Variants in AXDND1 observed in about 807,000 individuals in gnomAD.
AXDND1 encodes axonemal dynein light chain domain-containing protein 1.
In AXDND1, 110 loss-of-function variants were observed where a neutral mutation model predicts 137.5. The ratio of observed to expected loss-of-function variants is 0.80; its 90% CI spans 0.69 to 0.94. The LOEUF (loss-of-function observed/expected upper bound fraction) is 0.94, where lower values mean the gene tolerates loss of function less well. Ranked by LOEUF, AXDND1 falls within the 40% of genes least tolerant of loss-of-function variation. The pLI, the probability that AXDND1 is intolerant of heterozygous loss-of-function variation, is 0.00. For missense variants in AXDND1, 1,191 were observed against 1,169.8 expected, an observed-to-expected ratio of 1.02 and a Z score of -0.26; for synonymous variants, 414 against 399.7, an observed-to-expected ratio of 1.04 and a Z score of -0.43.
Position 179,468,252 on chromosome 1 carries a change from A to G in AXDND1, c.1799-191A>G, listed in dbSNP as rs1466075176. On this transcript the variant is annotated intron_variant, in intron 16 of 25. Coordinates refer to ENST00000367618, the MANE Select transcript of AXDND1 (RefSeq NM_144696.6). Reference sequence around the variant, plus strand: ...TAATTTGTTAGTCATTAAAGCACCAATTACACAGTGCTTATTCATTAAACA... The same window carrying G: ...TAATTTGTTAGTCATTAAAGCACCAGTTACACAGTGCTTATTCATTAAACA... 3.3e-5 allele frequency among the ~76,000 whole-genome samples: 5 copies of G among 152,192 alleles called. No homozygotes were observed. The East Asian group carries it at 9.6e-4, about 29-fold the overall frequency.
At chr1:179,491,488 GTTTGA>G (rs777627725) in intron 18 of AXDND1, 45 bp from the exon 19 acceptor site, 4 of 1,269,340 alleles carry the variant, frequency 3.2e-6, no homozygotes, top group Non-Finnish European at 4.5e-6. Flanking sequence ...GATTTTTACT[GTTTGA>G]TTTATTTAAA....
At chr1:179,371,289 G>A (rs1032363743) in intron 4 of AXDND1, among the ~76,000 whole-genome samples, 4 of 152,148 alleles carry the variant, frequency 2.6e-5, no homozygotes, top group South Asian at 4.2e-4. Flanking sequence ...TTAGCCAGGC[G>A]TGGTGGCGCA....
intron 11 of AXDND1, among the ~76,000 whole-genome samples, chr1:179,407,913 C>A (rs928869390): frequency 3.9e-5 from 6 of 152,136 alleles, no homozygotes; most frequent in African/African-American, 9.7e-5. Flanking sequence ...TATGGTGTCC[C>A]ATATATCCAC....
At chr1:179,444,483 T>C (rs1198967211) in intron 15 of AXDND1, among the ~76,000 whole-genome samples, 2 of 152,128 alleles carry the variant, frequency 1.3e-5, no homozygotes, top group African/African-American at 2.4e-5. Context: ...TATATATAAA[T>C]TGTACCTTAT....
At chr1:179,484,830 G>A (rs34890906) in intron 18 of AXDND1, among the ~76,000 whole-genome samples, 69,397 of 152,070 alleles carry the variant, frequency 0.46, 16,717 homozygotes, top group East Asian at 0.76. Flanking sequence ...CAATGCAAAG[G>A]TATGCAAGGA....
chr1:179,486,254 T>C (rs1020718616), intron 18 of AXDND1, among the ~76,000 whole-genome samples: 1 of 148,306 alleles, frequency 6.7e-6, no homozygotes, highest in Non-Finnish European at 1.5e-5. Context: ...ACTGGTTCTC[T>C]GAAATAATTC....
At position 179,442,235 on chromosome 1, in the gene AXDND1, T is replaced by A. The variant is rs61746880; in HGVS notation, c.1564-2735T>A. Among the ~76,000 whole-genome samples, 503 of 152,322 alleles carry A rather than the reference T, an allele frequency of 3.3e-3. 2 individuals are homozygous for A. The highest frequency in any genetic ancestry group is 0.011 in the African/African-American group (472 of 41,576). On this transcript the variant is annotated intron_variant, in intron 15 of 25. Coordinates refer to ENST00000367618, the MANE Select transcript of AXDND1 (RefSeq NM_144696.6). ...GGAAGAGGCGGTATAGGCCACTTTT[T>A]ATCCTCCCTCTCCTGTTTTTATTTT...
intron 22 of AXDND1, 141 bp from the exon 23 acceptor site, chr1:179,528,186 T>C (rs1271123535): frequency 3.2e-6 from 2 of 620,634 alleles, no homozygotes; most frequent in African/African-American, 1.8e-5. Flanking sequence ...GTGAAAGTCT[T>C]CAAAAATTCT....
intron 4 of AXDND1, among the ~76,000 whole-genome samples, chr1:179,377,557 C>T (rs1647480170): frequency 6.6e-6 from 1 of 152,162 alleles, no homozygotes. Flanking sequence ...ACCACTTGCC[C>T]ACATCTTGGT....
chr1:179,402,017 C>G (rs887584098), intron 11 of AXDND1, among the ~76,000 whole-genome samples: 18 of 152,074 alleles, frequency 1.2e-4, no homozygotes, highest in East Asian at 7.7e-4. Context: ...ACTAAAAATA[C>G]AAAAATTAAC....
intron 4 of AXDND1, among the ~76,000 whole-genome samples, chr1:179,375,537 A>G (rs1668515125): frequency 1.3e-5 from 2 of 150,964 alleles, no homozygotes; most frequent in South Asian, 4.2e-4. Flanking sequence ...TTATATATGT[A>G]TATACAGGTA....
At chr1:179,505,868 T>C (rs1928002) in intron 20 of AXDND1, among the ~76,000 whole-genome samples, 51,713 of 152,028 alleles carry the variant, frequency 0.34, 8,771 homozygotes, top group East Asian at 0.4. Flanking sequence ...GATCCTGGCA[T>C]AGCTTGATCC....
At chr1:179,395,047 C>T (rs1264253363) in intron 10 of AXDND1, 51 bp from the exon 11 acceptor site, 2 of 1,510,506 alleles carry the variant, frequency 1.3e-6, no homozygotes, top group African/African-American at 2.8e-5. Context: ...TTGGTAGAAA[C>T]TTTTTGGAAA....
Position 179,534,835 on chromosome 1 carries a change from G to GACATC in AXDND1, c.2906_2910dup (p.Arg971HisfsTer18). On this transcript the variant is annotated frameshift_variant, in exon 25 of 26. Transcript: ENST00000367618. LOFTEE classifies it high-confidence loss of function. Reference sequence around the variant, plus strand: ...ATAAAGATCTAGAGGAATTAGTCATGACATCAAGAAAGGAGTCTAAAGAAG... The same window carrying GACATC: ...ATAAAGATCTAGAGGAATTAGTCATGACATCACATCAAGAAAGGAGTCTAAAGAAG... The GACATC allele has an allele frequency of 6.2e-7, 1 of 1,610,640 alleles. No individual in the cohort carries two copies. The highest frequency in any genetic ancestry group is 1.1e-5 in the South Asian group (1 of 89,692).
At chr1:179,488,039 A>G (rs1356986061) in intron 18 of AXDND1, among the ~76,000 whole-genome samples, 3 of 66,242 alleles carry the variant, frequency 4.5e-5, no homozygotes, top group African/African-American at 1.7e-4. Flanking sequence ...TCCGTCAATC[A>G]GTTATGCAAA....
chr1:179,450,476 A>G (rs981284405), intron 16 of AXDND1: 2 of 152,126 alleles, frequency 1.3e-5, no homozygotes, highest in Admixed American at 1.3e-4. Flanking sequence ...TTTTTCATAG[A>G]TGCTTTTTAT....
At chr1:179,474,173 C>T (rs906337161) in intron 17 of AXDND1, among the ~76,000 whole-genome samples, 6 of 149,504 alleles carry the variant, frequency 4.0e-5, no homozygotes, top group Admixed American at 1.3e-4. Context: ...TGCAATGAGC[C>T]GAGTTCACAC....
chr1:179,462,147 G>A (rs1662420998), intron 16 of AXDND1, among the ~76,000 whole-genome samples: 1 of 152,086 alleles, frequency 6.6e-6, no homozygotes, highest in Non-Finnish European at 1.5e-5. Context: ...AATGCTTCCT[G>A]TTTTTGCCCA....
At chr1:179,391,926 G>T (rs1326333689) in intron 9 of AXDND1, among the ~76,000 whole-genome samples, 1 of 152,136 alleles carries the variant, frequency 6.6e-6, no homozygotes, top group Non-Finnish European at 1.5e-5. Context: ...GGACATGTTT[G>T]CTTTCCCTTC....
Sources: gnomAD v4.1 joint callset for allele counts (sites outside exome capture counted in the v4.1 genomes callset) on GRCh38, gnomAD v4.1.1 for gene constraint, MANE v1.5 for transcripts, NCBI Gene and HGNC (gene_info 2026-07-23, HGNC 2026-07-21) for gene names.